Variants in ADGRL4 observed in about 807,000 individuals in gnomAD.
The protein encoded by ADGRL4 is adhesion G protein-coupled receptor L4.
Under a neutral mutation model 74.8 loss-of-function variants are expected in ADGRL4, and 90 were observed. The ratio of observed to expected loss-of-function variants is 1.20; its 90% CI spans 1.02 to 1.43. The LOEUF is 1.43. Among genes scored for constraint, ADGRL4 ranks in the 40% most tolerant of loss-of-function variants. ADGRL4 has a pLI of 0.00. For synonymous variants in ADGRL4, 311 were observed against 279.2 expected (o/e 1.11, Z -1.14); for missense variants, 881 against 814.3 (o/e 1.08, Z -1.00).
At chr1:78,949,131 T>C (rs1649671206) in intron 2 of ADGRL4, among the ~76,000 whole-genome samples, 1 of 152,060 alleles carries the variant, frequency 6.6e-6, no homozygotes, top group South Asian at 2.1e-4. Context: ...GCTATAGCTG[T>C]AAAAATGATA....
intron 7 of ADGRL4, among the ~76,000 whole-genome samples, chr1:78,930,471 T>G (rs1157937937): frequency 2.2e-5 from 1 of 46,200 alleles, no homozygotes; most frequent in Non-Finnish European, 4.4e-5. Flanking sequence ...TTTTTTTTTG[T>G]GATGGATTCT....
At chr1:79,001,443 AAAG>A (rs1330633596) in intron 2 of ADGRL4, among the ~76,000 whole-genome samples, 2 of 152,118 alleles carry the variant, frequency 1.3e-5, no homozygotes, top group African/African-American at 2.4e-5. Flanking sequence ...AGAAAGAAAG[AAAG>A]AAAAACAAAA....
At chr1:78,997,811 G>A (rs116756256) in intron 2 of ADGRL4, among the ~76,000 whole-genome samples, 4,662 of 152,152 alleles carry the variant, frequency 0.031, 102 homozygotes, top group Non-Finnish European at 0.038. Context: ...TTGCCAGCTA[G>A]CCATTACCAT....
At chr1:78,970,095 C>T (rs1650140707) in intron 2 of ADGRL4, among the ~76,000 whole-genome samples, 1 of 152,194 alleles carries the variant, frequency 6.6e-6, no homozygotes, top group Admixed American at 6.5e-5. Flanking sequence ...TGTCACAAGA[C>T]ATCCTTTTCT....
At chr1:78,968,734 A>G (rs1048187538) in intron 2 of ADGRL4, among the ~76,000 whole-genome samples, 1 of 152,154 alleles carries the variant, frequency 6.6e-6, no homozygotes, top group African/African-American at 2.4e-5. Context: ...TTCATCTGTC[A>G]TTGGGTCAGG....
intron 2 of ADGRL4, among the ~76,000 whole-genome samples, chr1:78,966,704 G>A (rs981869332): frequency 2.0e-5 from 3 of 152,042 alleles, no homozygotes; most frequent in African/African-American, 7.2e-5. Context: ...CCCCTTCCCT[G>A]GCCAAGGGCT....
At chr1:78,913,736 T>G (rs1488978643) in intron 12 of ADGRL4, among the ~76,000 whole-genome samples, 1 of 151,872 alleles carries the variant, frequency 6.6e-6, no homozygotes, top group Non-Finnish European at 1.5e-5. Flanking sequence ...GCAAGTTTAC[T>G]TATGTAAAAA....
At chr1:78,953,451 A>G (rs1649770144) in intron 2 of ADGRL4, among the ~76,000 whole-genome samples, 1 of 152,224 alleles carries the variant, frequency 6.6e-6, no homozygotes, top group Non-Finnish European at 1.5e-5. Flanking sequence ...ACGAAAAACT[A>G]TTAGAATAGT....
chr1:78,925,403 G>T (rs1360023355), intron 8 of ADGRL4, among the ~76,000 whole-genome samples: 1 of 151,936 alleles, frequency 6.6e-6, no homozygotes, highest in African/African-American at 2.4e-5. Context: ...TAAGCACTAT[G>T]TAATTATTGA....
At chr1:78,959,043 G>C (rs936950545) in intron 2 of ADGRL4, among the ~76,000 whole-genome samples, 4 of 152,124 alleles carry the variant, frequency 2.6e-5, no homozygotes, top group African/African-American at 9.7e-5. Flanking sequence ...TTAAATTAAA[G>C]TACATACATT....
chr1:78,925,729 A>G (rs1016535138), intron 8 of ADGRL4, among the ~76,000 whole-genome samples: 6 of 152,056 alleles, frequency 3.9e-5, no homozygotes, highest in African/African-American at 1.4e-4. Context: ...CCCAGGAATT[A>G]CCGTGAAGAG....
chr1:78,999,560 G>A (rs1027932820), intron 2 of ADGRL4, among the ~76,000 whole-genome samples: 58 of 152,102 alleles, frequency 3.8e-4, no homozygotes, highest in African/African-American at 1.3e-3. Flanking sequence ...GCGACAGAGC[G>A]AGACTCCGTC....
At position 78,935,905 on chromosome 1, in the gene ADGRL4, C is replaced by T. The variant is rs1428107304; in HGVS notation, c.877+390G>A. 1.7e-4 allele frequency among the ~76,000 whole-genome samples: 4 copies of T among 24,188 alleles called. 1 individual carries two copies. The highest frequency in any genetic ancestry group is 2.0e-3 in the East Asian group (1 of 506). 15.9% of individuals were successfully genotyped at this position (24,188 alleles called of 152,430 possible). Reference sequence around the variant, plus strand: ...TTGGGAGGCCGAGGCGGGCGGATCACGAGGTCAGGAGATCGAGACCATCCT... The same window carrying T: ...TTGGGAGGCCGAGGCGGGCGGATCATGAGGTCAGGAGATCGAGACCATCCT... On this transcript the variant is annotated intron_variant, in intron 7 of 14. Transcript: ENST00000370742.
intron 12 of ADGRL4, among the ~76,000 whole-genome samples, chr1:78,912,405 C>T (rs118097062): frequency 6.6e-6 from 1 of 151,856 alleles, no homozygotes; most frequent in East Asian, 2.0e-4. Context: ...TTCCCAAACC[C>T]CAGGCCATGA....
chr1:78,996,080 T>C (rs1187472246), intron 2 of ADGRL4, among the ~76,000 whole-genome samples: 1 of 152,182 alleles, frequency 6.6e-6, no homozygotes, highest in Non-Finnish European at 1.5e-5. Flanking sequence ...TAAATTTCCC[T>C]TTACTTTAGA....
At chr1:78,931,973 A>T (rs936982529) in intron 7 of ADGRL4, among the ~76,000 whole-genome samples, 1 of 151,512 alleles carries the variant, frequency 6.6e-6, no homozygotes, top group Non-Finnish European at 1.5e-5. Context: ...CCCATCCAAT[A>T]ATAGTGGGAG....
intron 1 of ADGRL4, among the ~76,000 whole-genome samples, chr1:79,006,162 A>C (rs1197990302): frequency 6.6e-6 from 1 of 152,218 alleles, no homozygotes; most frequent in Non-Finnish European, 1.5e-5. Context: ...AGGTACCAAG[A>C]GATTCTTAAG....
At chr1:78,899,932 G>A (rs1326991337) in intron 12 of ADGRL4, among the ~76,000 whole-genome samples, 1 of 152,102 alleles carries the variant, frequency 6.6e-6, no homozygotes, top group Non-Finnish European at 1.5e-5. Flanking sequence ...TGGCAAAAGG[G>A]ATATTACAGA....
intron 2 of ADGRL4, among the ~76,000 whole-genome samples, chr1:78,969,176 A>G (rs1441589698): frequency 1.3e-5 from 2 of 152,234 alleles, no homozygotes; most frequent in Admixed American, 1.3e-4. Flanking sequence ...TGGCTTCTCC[A>G]GAATTTGGAA....
Sources: gnomAD v4.1 joint callset for allele counts (sites outside exome capture counted in the v4.1 genomes callset) on GRCh38, gnomAD v4.1.1 for gene constraint, MANE v1.5 for transcripts, NCBI Gene and HGNC (gene_info 2026-07-23, HGNC 2026-07-21) for gene names.